The following ITGAV variants were observed in gnomAD, a reference collection of about 807,000 sequenced individuals.
ITGAV encodes the protein integrin subunit alpha V.
A neutral mutation model predicts 143.8 loss-of-function variants in ITGAV; 76 were observed. That is an observed-to-expected ratio of 0.53 (90% CI 0.44 to 0.64). ITGAV has a LOEUF of 0.64. Ranked by LOEUF, ITGAV falls within the 30% of genes least tolerant of loss-of-function variation. ITGAV has a pLI of 0.00. For missense variants in ITGAV, 1,193 were observed against 1,274.7 expected, an observed-to-expected ratio of 0.94 and a Z score of 0.98; for synonymous variants, 453 against 446.7, an observed-to-expected ratio of 1.01 and a Z score of -0.18.
At chr2:186,658,808 G>A (rs780601399) in intron 17 of ITGAV, among the ~76,000 whole-genome samples, 4 of 152,078 alleles carry the variant, frequency 2.6e-5, no homozygotes, top group Middle Eastern at 3.2e-3. Flanking sequence ...TCGTACTTTC[G>A]TGTGAATCAA....
chr2:186,656,372 C>G lies in ITGAV; in HGVS notation c.1690C>G (p.Gln564Glu). The change falls in exon 17 of 30, where the codon CAG becomes GAG. Residue 564 changes from glutamine (Q) to glutamate (E), a missense_variant. Gln to Glu is a conservative substitution (Grantham distance 29). Coordinates refer to ENST00000261023, the MANE Select transcript of ITGAV (RefSeq NM_002210.5). ...GACTATTTCAAGGGGGGGACTGATG[C>G]AGTGTGAGGAATTGATAGCGTATCT... is the stretch of plus-strand genomic sequence containing the variant. ...NMTISRGGLMQCEELIAYLRD... is the reference protein window; with the variant it reads ...NMTISRGGLMECEELIAYLRD... The G allele has an allele frequency of 1.3e-6, 2 of 1,534,314 alleles. No individual in the cohort carries two copies. The highest frequency in any genetic ancestry group is 1.7e-6 in the Non-Finnish European group (2 of 1,148,966).
intron 2 of ITGAV, among the ~76,000 whole-genome samples, chr2:186,608,394 A>G (rs1051724017): frequency 1.3e-5 from 2 of 152,194 alleles, no homozygotes; most frequent in Non-Finnish European, 2.9e-5. Context: ...TAGAATAGTA[A>G]CTATATTCCT....
intron 16 of ITGAV, among the ~76,000 whole-genome samples, chr2:186,655,513 G>A (rs957569068): frequency 2.6e-5 from 4 of 152,142 alleles, no homozygotes; most frequent in Non-Finnish European, 4.4e-5. Flanking sequence ...AGGTCAATAT[G>A]GCCTAGTAGA....
intron 12 of ITGAV, 67 bp downstream of exon 12, chr2:186,641,655 T>A (rs1462928087): frequency 7.4e-7 from 1 of 1,346,144 alleles, no homozygotes; most frequent in African/African-American, 1.4e-5. Flanking sequence ...GTTCTGTAAG[T>A]CCATCTGTAG....
intron 2 of ITGAV, among the ~76,000 whole-genome samples, chr2:186,607,002 A>G (rs1687086263): frequency 6.6e-6 from 1 of 151,930 alleles, no homozygotes; most frequent in Admixed American, 6.6e-5. Context: ...CCTAAACTTG[A>G]TACTATTGTT....
intron 4 of ITGAV, 102 bp downstream of exon 4, chr2:186,625,689 G>GAGAT: frequency 1.8e-6 from 1 of 552,870 alleles, no homozygotes; most frequent in Non-Finnish European, 3.3e-6. Flanking sequence ...GAGAGAGAGA[G>GAGAT]ATATTAAAAG....
chr2:186,669,456 T>A (rs2595389), intron 25 of ITGAV, among the ~76,000 whole-genome samples: 1 of 152,046 alleles, frequency 6.6e-6, no homozygotes, highest in South Asian at 2.1e-4. Context: ...TTCATCAGTT[T>A]CCACTCTAGC....
At chr2:186,604,121 C>G (rs569200733) in intron 2 of ITGAV, among the ~76,000 whole-genome samples, 2 of 152,112 alleles carry the variant, frequency 1.3e-5, no homozygotes, top group South Asian at 4.2e-4. Flanking sequence ...GTCTGCCCCC[C>G]TCAGTCTCCT....
At chr2:186,665,080 A>G in intron 20 of ITGAV, 46 bp from the exon 21 acceptor site, 2 of 1,177,562 alleles carry the variant, frequency 1.7e-6, no homozygotes, top group South Asian at 1.3e-5. Flanking sequence ...GTGATACTTT[A>G]TTTCCTTTCA....
intron 13 of ITGAV, among the ~76,000 whole-genome samples, chr2:186,648,142 ATATCT>A (rs1559058112): frequency 6.6e-6 from 1 of 152,190 alleles, no homozygotes; most frequent in East Asian, 1.9e-4. Flanking sequence ...TAGCTGCATC[ATATCT>A]TATTTACCTT....
intron 4 of ITGAV, among the ~76,000 whole-genome samples, chr2:186,626,278 T>C (rs1010046662): frequency 6.6e-6 from 1 of 152,212 alleles, no homozygotes; most frequent in Non-Finnish European, 1.5e-5. Context: ...TTCAAGCAAT[T>C]ATAATTTTGA....
At chr2:186,647,425 T>C (rs1688293101) in intron 13 of ITGAV, among the ~76,000 whole-genome samples, 1 of 151,634 alleles carries the variant, frequency 6.6e-6, no homozygotes, top group African/African-American at 2.4e-5. Flanking sequence ...TTGTAAAGAG[T>C]GGTTTTTGCC....
In ITGAV at chr2:186,665,538, A is replaced by G. The variant is rs570774170; in HGVS notation, c.2166+320A>G. On this transcript the variant is annotated intron_variant, in intron 21 of 29. Coordinates refer to ENST00000261023, the MANE Select transcript of ITGAV (RefSeq NM_002210.5). The stretch of plus-strand genomic sequence containing the variant: ...ACACTGATGCCTTAATGGATCCTGA[A>G]AAGCTACTCTGGCAACTACCAAGAC... Among the ~76,000 whole-genome samples the G allele has an allele frequency of 9.9e-5, 15 of 152,274 alleles. No homozygotes were observed. The South Asian group carries it at 3.1e-3, about 32-fold the overall frequency.
Position 186,667,810 on chromosome 2 carries a change from G to A in ITGAV, c.2433+34G>A, listed in dbSNP as rs1334500756. Reference sequence around the variant, plus strand: ...TTGTTAGATTTTACTCAAACCTCGTGAGCAAGCCAACGAAGAGAGGAACAA... The same window carrying A: ...TTGTTAGATTTTACTCAAACCTCGTAAGCAAGCCAACGAAGAGAGGAACAA... On this transcript the variant is annotated intron_variant, in intron 24 of 29. Coordinates refer to ENST00000261023, the MANE Select transcript of ITGAV (RefSeq NM_002210.5). The A allele has an allele frequency of 3.6e-6, 5 of 1,396,218 alleles. No homozygotes were observed. The Admixed American group carries it at 5.4e-5, about 15-fold the overall frequency. The allele number at this position is 1,396,218 out of a possible 1,614,324, so 86.5% of individuals were successfully genotyped here.
intron 3 of ITGAV, among the ~76,000 whole-genome samples, chr2:186,625,181 T>C (rs948007341): frequency 3.0e-4 from 46 of 152,036 alleles, no homozygotes; most frequent in African/African-American, 1.0e-3. Context: ...GAGACCAGCC[T>C]GGGAAACATA....
chr2:186,644,335 G>T (rs13032772), intron 12 of ITGAV, among the ~76,000 whole-genome samples: 22 of 145,252 alleles, frequency 1.5e-4, no homozygotes, highest in African/African-American at 5.6e-4. Context: ...TTTGTTTTTT[G>T]TTTTTTTTTT....
chr2:186,652,053 CCTG>C lies in ITGAV; in HGVS notation c.1472_1474del (p.Cys491del). On this transcript the variant is annotated inframe_deletion, in exon 15 of 30. Transcript: ENST00000261023. Reference sequence around the variant, plus strand: ...AGCATTTTAAATCAAGACAATAAAACCTGCTCACTGCCTGGAACAGCTCTCAAA... The same window carrying C: ...AGCATTTTAAATCAAGACAATAAAACCTCACTGCCTGGAACAGCTCTCAAA... 2 of 1,612,564 alleles carry C rather than the reference CCTG, an allele frequency of 1.2e-6. No individual in the cohort carries two copies. The highest frequency in any genetic ancestry group is 1.7e-6 in the Non-Finnish European group (2 of 1,178,700).
intron 12 of ITGAV, among the ~76,000 whole-genome samples, chr2:186,644,448 C>G (rs1481105996): frequency 6.6e-6 from 1 of 151,970 alleles, no homozygotes; most frequent in Non-Finnish European, 1.5e-5. Flanking sequence ...GCCTCAGCCT[C>G]CTGAGTAGCT....
intron 18 of ITGAV, among the ~76,000 whole-genome samples, chr2:186,662,403 A>G (rs1688773658): frequency 6.6e-6 from 1 of 152,118 alleles, no homozygotes; most frequent in African/African-American, 2.4e-5. Flanking sequence ...TTTGTCCAAT[A>G]TATAGCCACT....
Sources: allele counts gnomAD v4.1 joint callset (sites outside exome capture counted in the v4.1 genomes callset), GRCh38; gene constraint gnomAD v4.1.1; transcripts MANE v1.5; gene names NCBI Gene and HGNC (gene_info 2026-07-23, HGNC 2026-07-21).